Variants in CNTNAP2 observed in about 807,000 individuals in gnomAD.
The protein encoded by CNTNAP2 is contactin associated protein 2.
Under a neutral mutation model 155.2 loss-of-function variants are expected in CNTNAP2, and 98 were observed. The observed-to-expected ratio is 0.63, with a 90% CI of 0.54 to 0.75. The LOEUF is 0.75. Ranked by LOEUF, CNTNAP2 falls within the 30% of genes least tolerant of loss-of-function variation. The pLI, the probability that CNTNAP2 is intolerant of heterozygous loss-of-function variation, is 0.00. For missense variants in CNTNAP2, 1,727 were observed against 1,688.1 expected (o/e 1.02, Z -0.40); for synonymous variants, 651 against 631.2 (o/e 1.03, Z -0.47).
chr7:147,815,644 G>A (rs528507508), intron 13 of CNTNAP2, among the ~76,000 whole-genome samples: 21 of 152,090 alleles, frequency 1.4e-4, no homozygotes, highest in African/African-American at 4.3e-4. Context: ...CCACAATTTC[G>A]TGTGCAATGT....
chr7:147,812,233 G>C (rs1321076306), intron 13 of CNTNAP2, among the ~76,000 whole-genome samples: 1 of 152,166 alleles, frequency 6.6e-6, no homozygotes, highest in African/African-American at 2.4e-5. Context: ...GAAGAGGAAG[G>C]AGGCCGGTGT....
At position 146,477,028 on chromosome 7, in the gene CNTNAP2, A is replaced by C. The variant is rs997084305; in HGVS notation, c.98-297243A>C. 2.6e-4 allele frequency among the ~76,000 whole-genome samples: 40 copies of C among 152,328 alleles called. 1 individual carries two copies. Among genetic ancestry groups the C allele is most frequent in the Middle Eastern group, 3.4e-3 (1 of 294 alleles). On this transcript the variant is annotated intron_variant, in intron 1 of 23. Transcript: ENST00000361727. ...CTGCATGAACTATTTGTTTTCCCCA[A>C]ACACTTGAGTTGCAAAGAATTTTAT...
At chr7:147,013,276 T>A (rs1156504529) in intron 3 of CNTNAP2, among the ~76,000 whole-genome samples, 1 of 152,040 alleles carries the variant, frequency 6.6e-6, no homozygotes, top group Non-Finnish European at 1.5e-5. Flanking sequence ...TGGTTTGCAG[T>A]TGTGGTGTAC....
chr7:147,728,725 A>T (rs1368241686), intron 13 of CNTNAP2, among the ~76,000 whole-genome samples: 1 of 152,020 alleles, frequency 6.6e-6, no homozygotes, highest in Non-Finnish European at 1.5e-5. Context: ...CTTCTGGAGA[A>T]GAAAATTGAT....
chr7:146,775,682 A>G (rs972999871), intron 2 of CNTNAP2, among the ~76,000 whole-genome samples: 2 of 151,868 alleles, frequency 1.3e-5, no homozygotes, highest in Non-Finnish European at 2.9e-5. Flanking sequence ...GAAGAAGAAA[A>G]TAAAGAGAGG....
chr7:146,159,932 T>C (rs556621706), intron 1 of CNTNAP2, among the ~76,000 whole-genome samples: 3 of 152,290 alleles, frequency 2.0e-5, no homozygotes, highest in African/African-American at 4.8e-5. Flanking sequence ...ATCAAAAGAA[T>C]ACACATTCTT....
intron 13 of CNTNAP2, among the ~76,000 whole-genome samples, chr7:147,869,318 G>A (rs1799288543): frequency 6.6e-6 from 1 of 152,212 alleles, no homozygotes; most frequent in Non-Finnish European, 1.5e-5. Flanking sequence ...AAGGTATAAA[G>A]TAGGATGATA....
Position 146,707,367 on chromosome 7 carries a change from A to G in CNTNAP2, c.98-66904A>G, listed in dbSNP as rs1477408302. On this transcript the variant is annotated intron_variant, in intron 1 of 23. Coordinates refer to ENST00000361727, the MANE Select transcript of CNTNAP2 (RefSeq NM_014141.6). ...TCTTCAGTATAACCTTCATTATAAT[A>G]CAGTGCCTTACTGGAAGGAGGCCTT... Among the ~76,000 whole-genome samples, 4 of 152,198 alleles carry G rather than the reference A, an allele frequency of 2.6e-5. No individual in the cohort carries two copies. The South Asian group carries it at 8.3e-4, about 31-fold the overall frequency.
intron 9 of CNTNAP2, among the ~76,000 whole-genome samples, chr7:147,345,011 A>G (rs184403547): frequency 2.6e-5 from 4 of 152,170 alleles, no homozygotes; most frequent in East Asian, 3.9e-4. Context: ...AGGAAACTAT[A>G]TGTCTTTTTC....
At chr7:147,286,748 G>A (rs2116737146) in intron 8 of CNTNAP2, among the ~76,000 whole-genome samples, 1 of 152,096 alleles carries the variant, frequency 6.6e-6, no homozygotes, top group Middle Eastern at 3.4e-3. Context: ...CTCCTTTATA[G>A]CTAAACTACT....
chr7:148,237,277 A>T (rs919413743), intron 20 of CNTNAP2, among the ~76,000 whole-genome samples: 3 of 152,236 alleles, frequency 2.0e-5, no homozygotes, highest in Non-Finnish European at 4.4e-5. Flanking sequence ...TCTAGTTGGA[A>T]ATCGTAAGCA....
At chr7:146,971,841 A>G (rs763398748) in intron 3 of CNTNAP2, among the ~76,000 whole-genome samples, 5 of 152,182 alleles carry the variant, frequency 3.3e-5, no homozygotes, top group East Asian at 3.8e-4. Context: ...TTGAACTACA[A>G]TATATGAATT....
At chr7:147,709,319 G>A (rs546173354) in intron 13 of CNTNAP2, among the ~76,000 whole-genome samples, 7 of 152,064 alleles carry the variant, frequency 4.6e-5, no homozygotes, top group Non-Finnish European at 7.4e-5. Context: ...GCCCAATCCC[G>A]CATCTTACTT....
intron 4 of CNTNAP2, among the ~76,000 whole-genome samples, chr7:147,091,232 T>A (rs1584833911): frequency 6.6e-6 from 1 of 152,100 alleles, no homozygotes; most frequent in Admixed American, 6.5e-5. Flanking sequence ...GCCTAGATCC[T>A]GATCTCTGGG....
intron 1 of CNTNAP2, among the ~76,000 whole-genome samples, chr7:146,709,449 G>A (rs1801024402): frequency 6.6e-6 from 1 of 152,162 alleles, no homozygotes; most frequent in Non-Finnish European, 1.5e-5. Flanking sequence ...AGATTCAGAA[G>A]TACAAGCCAG....
chr7:147,329,942 T>A (rs530511686), intron 9 of CNTNAP2, among the ~76,000 whole-genome samples: 122 of 152,280 alleles, frequency 8.0e-4, no homozygotes, highest in African/African-American at 2.6e-3. Context: ...TCTGGCATAA[T>A]AAATATATTT....
intron 13 of CNTNAP2, among the ~76,000 whole-genome samples, chr7:147,869,995 C>G (rs914864084): frequency 1.3e-5 from 2 of 152,154 alleles, no homozygotes; most frequent in Non-Finnish European, 2.9e-5. Flanking sequence ...ACTCACAACA[C>G]TCCTATAAGA....
At chr7:146,592,814 G>A (rs149171554) in intron 1 of CNTNAP2, among the ~76,000 whole-genome samples, 2 of 152,206 alleles carry the variant, frequency 1.3e-5, no homozygotes, top group East Asian at 1.9e-4. Flanking sequence ...TGAAACATGG[G>A]GTTTATTTGA....
At chr7:147,421,658 T>C (rs916932035) in intron 10 of CNTNAP2, among the ~76,000 whole-genome samples, 1 of 151,070 alleles carries the variant, frequency 6.6e-6, no homozygotes, top group Admixed American at 6.6e-5. Flanking sequence ...TCTATAGATA[T>C]TGATATAGTT....
Sources: gnomAD v4.1 joint callset for allele counts (sites outside exome capture counted in the v4.1 genomes callset) on GRCh38, gnomAD v4.1.1 for gene constraint, MANE v1.5 for transcripts, NCBI Gene and HGNC (gene_info 2026-07-23, HGNC 2026-07-21) for gene names.